C4orf50: variants seen among roughly 807,000 people sequenced by gnomAD.
C4orf50 encodes the protein chromosome 4 open reading frame 50.
In C4orf50, 80 loss-of-function variants were observed where a neutral mutation model predicts 77.2. The ratio of observed to expected loss-of-function variants is 1.04; its 90% confidence interval spans 0.87 to 1.25. The LOEUF is 1.25. Ranked by LOEUF, C4orf50 falls within the 50% of genes most tolerant of loss-of-function variation. The pLI is 0.00. For synonymous variants in C4orf50, 532 were observed against 465.3 expected (o/e 1.14, Z -1.84); for missense variants, 1,257 against 1,152.9 (o/e 1.09, Z -1.31).
chr4:5,951,629 A>G (rs183000454), intron 7 of C4orf50, among the ~76,000 whole-genome samples: 1 of 152,346 alleles, frequency 6.6e-6, no homozygotes, highest in Admixed American at 6.5e-5. Flanking sequence ...TTCCATAATA[A>G]ATGGTCTAAG....
rs545962397 is a variant in C4orf50 at position 5,992,648 on chromosome 4, T to C, written c.1221+155A>G. ...TCTCAGGATGTTTCATTTCCTCTCC[T>C]CAAATCTCTCTCTCAACTACTTCCA... is the stretch of plus-strand genomic sequence containing the variant. On this transcript the variant is annotated intron_variant, in intron 27 of 33. Coordinates refer to ENST00000531445, the Ensembl canonical transcript of C4orf50. The surrounding 1 kb of genome is among the most constrained non-coding windows in gnomAD (Gnocchi z 5.0). Among the ~76,000 whole-genome samples the C allele has an allele frequency of 6.6e-6, 1 of 150,580 alleles. No homozygotes were observed. Among genetic ancestry groups the C allele is most frequent in the Admixed American group, 6.6e-5 (1 of 15,158 alleles).
At chr4:5,952,261 T>C (rs1040229570), downstream of C4orf50, among the ~76,000 whole-genome samples, 2 of 152,096 alleles carry the variant, frequency 1.3e-5, no homozygotes, top group African/African-American at 4.8e-5. This position sits in a 1 kb window ranked among gnomAD's most constrained non-coding sequence, Gnocchi z 4.4. Flanking sequence ...GATAGATAGA[T>C]AGATAATAGA....
At chr4:5,920,659 T>C (rs548756928) in intron 7 of C4orf50, among the ~76,000 whole-genome samples, 286 of 136,356 alleles carry the variant, frequency 2.1e-3, no homozygotes, top group African/African-American at 6.5e-3. Context: ...GTATTTTTAA[T>C]AGAGATGGGC....
rs967408628 is a variant in C4orf50 at position 5,908,566 on chromosome 4, G to C, written c.*2475-10378C>G. 1.3e-5 allele frequency among the ~76,000 whole-genome samples: 2 copies of C among 152,062 alleles called. No individual in the cohort carries two copies. The highest frequency in any genetic ancestry group is 4.8e-5 in the African/African-American group (2 of 41,424). On this transcript the variant is annotated intron_variant, in intron 7 of 7. Coordinates refer to the C4orf50 transcript ENST00000324058. This position sits in a 1 kb window ranked among gnomAD's most constrained non-coding sequence, Gnocchi z 5.6. ...ACTCCAAGCAGGGAGACGACCATGC[G>C]ATGGGGAGGGGGGAAAGCCCTGGGG... is the stretch of plus-strand genomic sequence containing the variant.
chr4:6,008,020 C>T lies in C4orf50; in HGVS notation c.939G>A (p.Gln313=), dbSNP rs1489512914. ...CCAGGCTGCAGTGACCAATAGGGGC[C>T]TGGGCTCCCAGCTCCTCTCGCAGGC... The change falls in exon 25 of 34, where the codon CAG becomes CAA. Residue 313 remains glutamine (Q), a synonymous_variant. Coordinates refer to ENST00000531445, the Ensembl canonical transcript of C4orf50. This position sits in a 1 kb window ranked among gnomAD's most constrained non-coding sequence, Gnocchi z 6.0. The T allele has an allele frequency of 2.5e-6, 1 of 399,186 alleles. No homozygotes were observed. The highest frequency in any genetic ancestry group is 4.4e-5 in the Admixed American group (1 of 22,724). 24.7% of individuals were successfully genotyped at this position (399,186 alleles called of 1,614,324 possible).
intron 30 of C4orf50, among the ~76,000 whole-genome samples, chr4:5,975,494 TTTTTTG>T (rs1259271604): frequency 9.5e-6 from 1 of 104,814 alleles, no homozygotes; most frequent in East Asian, 4.1e-4. Context: ...TCTTTGCGGT[TTTTTTG>T]TTTTGTTTTG....
Position 6,011,908 on chromosome 4 carries a change from G to A in C4orf50, c.348C>T (p.Thr116=). 2.5e-6 allele frequency: 1 copy of A among 399,066 alleles called. No individual in the cohort carries two copies. The highest frequency in any genetic ancestry group is 4.4e-6 in the Non-Finnish European group (1 of 226,080). The allele number at this position is 399,066 out of a possible 1,614,324, so 24.7% of individuals were successfully genotyped here. The change falls in exon 24 of 34, where the codon ACC becomes ACT. Residue 116 remains threonine (T), a synonymous_variant. Coordinates refer to ENST00000531445, the Ensembl canonical transcript of C4orf50. This position sits in a 1 kb window ranked among gnomAD's most constrained non-coding sequence, Gnocchi z 4.2. ...AGGCGCTTCTCTCCTGGGCCACGTG[G>A]GTGCTCAGCTGGTCCACCTTCCGGA...
At chr4:5,941,637 G>A (rs1017443029) in intron 7 of C4orf50, among the ~76,000 whole-genome samples, 1 of 152,194 alleles carries the variant, frequency 6.6e-6, no homozygotes, top group Non-Finnish European at 1.5e-5. Context: ...CAACACAGAA[G>A]ACACGGCTTC....
rs1464794075 is a variant in C4orf50 at position 5,967,531 on chromosome 4, C to T, written c.4105-69G>A. On this transcript the variant is annotated intron_variant, in intron 31 of 33. Transcript: ENST00000531445. ...AGAGACAGCCTTGCACAGAAGACTG[C>T]AATTGGACCAAGCAGGGCCATCACC... 14 of 1,379,006 alleles carry T rather than the reference C, an allele frequency of 1.0e-5. No homozygotes were observed. The Admixed American group carries it at 1.7e-4, about 17-fold the overall frequency. 85.4% of individuals were successfully genotyped at this position (1,379,006 alleles called of 1,614,324 possible).
intron 7 of C4orf50, among the ~76,000 whole-genome samples, chr4:5,933,868 T>C (rs1717878114): frequency 6.6e-6 from 1 of 150,870 alleles, no homozygotes; most frequent in South Asian, 2.1e-4. Context: ...AATGTGGGGG[T>C]CCTGGTGACA....
chr4:5,934,471 G>A lies in C4orf50; in HGVS notation c.*2474+22430C>T, dbSNP rs115570392. ...TGCAGGAGAAGCTCCAGGCTCGCTG[G>A]TCTGGCTCAAGAGTCCTCTGCCGTC... On this transcript the variant is annotated intron_variant, in intron 7 of 7. Transcript: ENST00000324058. Among the ~76,000 whole-genome samples, 30 of 152,220 alleles carry A rather than the reference G, an allele frequency of 2.0e-4. No homozygotes were observed. In the South Asian group the frequency reaches 5.8e-3, roughly 29 times the overall value.
At position 5,932,768 on chromosome 4, in the gene C4orf50, G is replaced by A. The variant is rs1474157714; in HGVS notation, c.*2474+24133C>T. ...ACAGTATTAAAAAAGCAAGAGAGCT[G>A]GATTTCAATCCCAGATCAGCAGAAA... On this transcript the variant is annotated intron_variant, in intron 7 of 7. Transcript: ENST00000324058. This position sits in a 1 kb window ranked among gnomAD's most constrained non-coding sequence, Gnocchi z 4.2. Among the ~76,000 whole-genome samples the A allele has an allele frequency of 1.3e-5, 2 of 152,090 alleles. No individual in the cohort carries two copies. Among genetic ancestry groups the A allele is most frequent in the African/African-American group, 4.8e-5 (2 of 41,396 alleles).
chr4:5,972,577 G>A (rs1342178346), intron 31 of C4orf50, among the ~76,000 whole-genome samples: 2 of 152,224 alleles, frequency 1.3e-5, no homozygotes, highest in African/African-American at 4.8e-5. Context: ...TTGGACCAGA[G>A]GGGACCTCTC....
At chr4:5,977,071 G>A (rs1720330929) in intron 29 of C4orf50, among the ~76,000 whole-genome samples, 1 of 152,306 alleles carries the variant, frequency 6.6e-6, no homozygotes, top group Non-Finnish European at 1.5e-5. Flanking sequence ...AAAAGGGAAG[G>A]CACCAGCGGG....
Position 6,011,241 on chromosome 4 carries a change from C to T in C4orf50, c.426+589G>A, listed in dbSNP as rs900945373. Among the ~76,000 whole-genome samples, 6 of 152,182 alleles carry T rather than the reference C, an allele frequency of 3.9e-5. No homozygotes were observed. The highest frequency in any genetic ancestry group is 1.2e-4 in the African/African-American group (5 of 41,446). ...TTGTATTCAGAATTGGGCCATGCAG[C>T]GGAGTTGGCCACCTGGCCCCTCTGG... is the stretch of plus-strand genomic sequence containing the variant. On this transcript the variant is annotated intron_variant, in intron 24 of 33. Coordinates refer to ENST00000531445, the Ensembl canonical transcript of C4orf50. This position sits in a 1 kb window ranked among gnomAD's most constrained non-coding sequence, Gnocchi z 4.2.
At position 6,000,249 on chromosome 4, in the gene C4orf50, T is replaced by C. The variant is rs975135669; in HGVS notation, c.964-5773A>G. Among the ~76,000 whole-genome samples, 8 of 152,122 alleles carry C rather than the reference T, an allele frequency of 5.3e-5. No individual in the cohort carries two copies. Among genetic ancestry groups the C allele is most frequent in the Non-Finnish European group, 1.0e-4 (7 of 68,012 alleles). ...GCGACTTCACAGATGTGCAGAGGCC[T>C]GGAAGCCACAGCCATGGCCACTGAG... is the stretch of plus-strand genomic sequence containing the variant. On this transcript the variant is annotated intron_variant, in intron 25 of 33. Transcript: ENST00000531445. This position sits in a 1 kb window ranked among gnomAD's most constrained non-coding sequence, Gnocchi z 6.0.
chr4:5,966,900 G>A (rs1368550486), intron 32 of C4orf50, among the ~76,000 whole-genome samples: 2 of 152,062 alleles, frequency 1.3e-5, no homozygotes, highest in Non-Finnish European at 1.5e-5. Context: ...CGCCTGCCTC[G>A]GCCCCCCAAA....
At chr4:5,980,440 T>TTG in intron 28 of C4orf50, 102 bp from the exon 7 acceptor site, 2 of 1,095,822 alleles carry the variant, frequency 1.8e-6, no homozygotes, top group Non-Finnish European at 2.6e-6. Context: ...AGTTTTTTTT[T>TTG]TTGTTGTTGT....
chr4:5,955,945 A>G (rs1160569640), downstream of C4orf50, among the ~76,000 whole-genome samples: 14 of 152,214 alleles, frequency 9.2e-5, no homozygotes, highest in African/African-American at 1.4e-4. The surrounding 1 kb of genome is among the most constrained non-coding windows in gnomAD (Gnocchi z 5.1). Context: ...AACTGCTACA[A>G]CTTCAAAGAG....
Sources: allele counts gnomAD v4.1 joint callset (sites outside exome capture counted in the v4.1 genomes callset), GRCh38; gene constraint gnomAD v4.1.1; non-coding constraint Gnocchi (gnomAD v3.1); transcripts MANE v1.5; gene names NCBI Gene and HGNC (gene_info 2026-07-23, HGNC 2026-07-21).